Variants in TOP1 observed in about 807,000 individuals in gnomAD.
TOP1 encodes the protein DNA topoisomerase I, also known as DNA topoisomerase 1.
A neutral mutation model predicts 111.1 loss-of-function variants in TOP1; 10 were observed. That is an observed-to-expected ratio of 0.09 (90% confidence interval 0.06 to 0.15). The LOEUF (loss-of-function observed/expected upper bound fraction) is 0.15. TOP1 is among the 10% of genes least tolerant of loss of function. TOP1 has a pLI of 1.00. For missense variants in TOP1, 474 were observed against 926.7 expected, an observed-to-expected ratio of 0.51 and a Z score of 6.34; for synonymous variants, 271 against 302.9, an observed-to-expected ratio of 0.89 and a Z score of 1.10.
intron 2 of TOP1, among the ~76,000 whole-genome samples, chr20:41,043,318 T>C (rs1213752417): frequency 6.6e-6 from 1 of 152,198 alleles, no homozygotes; most frequent in African/African-American, 2.4e-5. Flanking sequence ...TTCCTTGTTC[T>C]TTCACAAGGA....
Position 41,116,113 on chromosome 20 carries a change from T to C in TOP1, c.1708-165T>C, listed in dbSNP as rs371926543. Reference sequence around the variant, plus strand: ...TGAAATACTTCATAGAGAGGCATCATGTAACCCTGTATTCTGGAATTCTTT... The same window carrying C: ...TGAAATACTTCATAGAGAGGCATCACGTAACCCTGTATTCTGGAATTCTTT... On this transcript the variant is annotated intron_variant, in intron 16 of 20. Coordinates refer to ENST00000361337, the MANE Select transcript of TOP1 (RefSeq NM_003286.4). The surrounding 1 kb of genome is among the most constrained non-coding windows in gnomAD (Gnocchi z 5.6). Among the ~76,000 whole-genome samples, 47 of 152,256 alleles carry C rather than the reference T, an allele frequency of 3.1e-4. No individual in the cohort carries two copies. The highest frequency in any genetic ancestry group is 1.1e-3 in the African/African-American group (46 of 41,556).
intron 18 of TOP1, among the ~76,000 whole-genome samples, chr20:41,120,429 G>A (rs754805419): frequency 5.3e-5 from 8 of 152,302 alleles, no homozygotes; most frequent in South Asian, 2.1e-4. Context: ...TATTTACTCC[G>A]TAGAGGTTGT....
Position 41,032,425 on chromosome 20 carries a change from C to T in TOP1, c.58+2970C>T, listed in dbSNP as rs184183580. On this transcript the variant is annotated intron_variant, in intron 2 of 20. Transcript: ENST00000361337. The surrounding 1 kb of genome is among the most constrained non-coding windows in gnomAD (Gnocchi z 4.3). The stretch of plus-strand genomic sequence containing the variant: ...TATCTAAGTCTAAGTGAAAAGACTT[C>T]CTAAGTATTGGTAGAACTAACTGTA... Among the ~76,000 whole-genome samples, 229 of 152,278 alleles carry T rather than the reference C, an allele frequency of 1.5e-3. 1 individual carries two copies. Among genetic ancestry groups the T allele is most frequent in the Non-Finnish European group, 4.6e-4 (31 of 68,022 alleles).
intron 2 of TOP1, among the ~76,000 whole-genome samples, chr20:41,036,979 C>A (rs745454359): frequency 6.6e-6 from 1 of 152,058 alleles, no homozygotes; most frequent in African/African-American, 2.4e-5. Context: ...TACAGGCGCC[C>A]GCCACCACGC....
In TOP1 at chr20:41,030,931, C is replaced by T. The variant is rs1328298882; in HGVS notation, c.58+1476C>T. Among the ~76,000 whole-genome samples, 3 of 152,186 alleles carry T rather than the reference C, an allele frequency of 2.0e-5. No individual in the cohort carries two copies. The highest frequency in any genetic ancestry group is 4.4e-5 in the Non-Finnish European group (3 of 68,034). ...ACTGTGCTTGGTGCTAGAGCTGATC[C>T]TGTAACCATAACACTCCCTTGCTCT... On this transcript the variant is annotated intron_variant, in intron 2 of 20. Coordinates refer to ENST00000361337, the MANE Select transcript of TOP1 (RefSeq NM_003286.4). This position sits in a 1 kb window ranked among gnomAD's most constrained non-coding sequence, Gnocchi z 4.1.
rs892517653 is a variant in TOP1, at chr20:41,098,939, G to A, written c.975+602G>A. 3.3e-5 allele frequency: 5 copies of A among 152,084 alleles called. No individual in the cohort carries two copies. The highest frequency in any genetic ancestry group is 7.3e-5 in the Non-Finnish European group (5 of 68,034). 9.4% of individuals were successfully genotyped at this position (152,084 alleles called of 1,614,324 possible). On this transcript the variant is annotated intron_variant, in intron 11 of 20. Coordinates refer to ENST00000361337, the MANE Select transcript of TOP1 (RefSeq NM_003286.4). The surrounding 1 kb of genome is among the most constrained non-coding windows in gnomAD (Gnocchi z 5.7). Reference sequence around the variant, plus strand: ...ATGACAGAGATGAGTAGTTGCAAAAGAGAGTAGTTGCAAAAGAGACTGTGT... The same window carrying A: ...ATGACAGAGATGAGTAGTTGCAAAAAAGAGTAGTTGCAAAAGAGACTGTGT...
Position 41,121,945 on chromosome 20 carries a change from G to T in TOP1, c.2046-61G>T. The T allele has an allele frequency of 1.9e-6, 3 of 1,596,778 alleles. No homozygotes were observed. The highest frequency in any genetic ancestry group is 2.6e-6 in the Non-Finnish European group (3 of 1,168,870). Reference sequence around the variant, plus strand: ...TTATTGACTCAAAGTGGCAGGATGGGTACAGTGTGCTCTTGTCTAGAGCCC... The same window carrying T: ...TTATTGACTCAAAGTGGCAGGATGGTTACAGTGTGCTCTTGTCTAGAGCCC... On this transcript the variant is annotated intron_variant, in intron 19 of 20. Transcript: ENST00000361337. The surrounding 1 kb of genome is among the most constrained non-coding windows in gnomAD (Gnocchi z 4.2).
At chr20:41,089,015 C>T (rs1183969262) in intron 8 of TOP1, among the ~76,000 whole-genome samples, 2 of 90,418 alleles carry the variant, frequency 2.2e-5, no homozygotes, top group Non-Finnish European at 4.1e-5. Context: ...TCTGTTGCCC[C>T]AGTTCTTTTT....
At chr20:41,049,472 C>T (rs942466840) in intron 2 of TOP1, among the ~76,000 whole-genome samples, 15 of 152,120 alleles carry the variant, frequency 9.9e-5, no homozygotes, top group African/African-American at 3.6e-4. Context: ...TCAGTTTGAC[C>T]CTGTCTTGAA....
rs756718169 is a variant in TOP1 at position 41,028,956 on chromosome 20, C to G, written c.-112C>G. 124 of 879,832 alleles carry G rather than the reference C, an allele frequency of 1.4e-4. No individual in the cohort carries two copies. Among genetic ancestry groups the G allele is most frequent in the Non-Finnish European group, 1.9e-4 (110 of 567,642 alleles). The allele number at this position is 879,832 out of a possible 1,614,324, so 54.5% of individuals were successfully genotyped here. On this transcript the variant is annotated 5_prime_UTR_variant, in exon 1 of 21. Coordinates refer to ENST00000361337, the MANE Select transcript of TOP1 (RefSeq NM_003286.4). Reference sequence around the variant, plus strand: ...TCGGGCCCACAGTCACCGCCGCTTACCTGCGCCTCCTCGAGCCTCCGGAGT... The same window carrying G: ...TCGGGCCCACAGTCACCGCCGCTTAGCTGCGCCTCCTCGAGCCTCCGGAGT...
At chr20:41,084,379 T>G (rs942231116) in intron 7 of TOP1, 83 bp from the exon 8 acceptor site, 2 of 718,752 alleles carry the variant, frequency 2.8e-6, no homozygotes, top group Non-Finnish European at 4.5e-6. Flanking sequence ...ATTACAATTT[T>G]TCTTCCTCAT....
rs1036346239 is a variant in TOP1 at position 41,121,621 on chromosome 20, A to G, written c.1951-75A>G. The G allele has an allele frequency of 1.8e-6, 2 of 1,141,498 alleles. No homozygotes were observed. Among genetic ancestry groups the G allele is most frequent in the Non-Finnish European group, 2.7e-6 (2 of 751,636 alleles). The allele number at this position is 1,141,498 out of a possible 1,614,324, so 70.7% of individuals were successfully genotyped here. A position where few individuals can be genotyped will look rare whatever the true frequency, so the allele number is the denominator to read the frequency against. The stretch of plus-strand genomic sequence containing the variant: ...ACAGAGACAGCCTGGTCCAGATAAC[A>G]TCTTGGTTTCACCTTCTCAGGTGGA... On this transcript the variant is annotated intron_variant, in intron 18 of 20. Coordinates refer to ENST00000361337, the MANE Select transcript of TOP1 (RefSeq NM_003286.4). The surrounding 1 kb of genome is among the most constrained non-coding windows in gnomAD (Gnocchi z 4.2).
intron 2 of TOP1, among the ~76,000 whole-genome samples, chr20:41,059,645 G>T (rs940788096): frequency 2.0e-5 from 3 of 151,918 alleles, no homozygotes; most frequent in Non-Finnish European, 4.4e-5. Flanking sequence ...AGTAGGCAAC[G>T]ATATCTTGGG....
rs1482608899 is a variant in TOP1, at chr20:41,114,683, C to CAACTCCTGACTGAGTGAA, written c.1638+530_1638+547dup. 2.0e-5 allele frequency among the ~76,000 whole-genome samples: 3 copies of CAACTCCTGACTGAGTGAA among 152,168 alleles called. No homozygotes were observed. The highest frequency in any genetic ancestry group is 2.9e-5 in the Non-Finnish European group (2 of 68,032). Reference sequence around the variant, plus strand: ...TTTTCATCTTTGCTCAGCCTTTCTCCAACTCCTGACTGAGTGAAAGGTTAA... The same window carrying CAACTCCTGACTGAGTGAA: ...TTTTCATCTTTGCTCAGCCTTTCTCCAACTCCTGACTGAGTGAAAACTCCTGACTGAGTGAAAGGTTAA... On this transcript the variant is annotated intron_variant, in intron 15 of 20. Transcript: ENST00000361337. This position sits in a 1 kb window ranked among gnomAD's most constrained non-coding sequence, Gnocchi z 4.5.
In TOP1 at chr20:41,106,074, T is replaced by C. The variant is rs2034140936; in HGVS notation, c.1308+4721T>C. On this transcript the variant is annotated intron_variant, in intron 13 of 20. Transcript: ENST00000361337. This position sits in a 1 kb window ranked among gnomAD's most constrained non-coding sequence, Gnocchi z 4.3. The stretch of plus-strand genomic sequence containing the variant: ...TTTGGGTCTTAGATCCACTAGAATG[T>C]ATTTTTGCATTGGGATGAAGTTGAA... Among the ~76,000 whole-genome samples, 1 of 151,398 alleles carries C rather than the reference T, an allele frequency of 6.6e-6. No homozygotes were observed. The highest frequency in any genetic ancestry group is 1.5e-5 in the Non-Finnish European group (1 of 67,924).
chr20:41,121,942 TG>T lies in TOP1; in HGVS notation c.2046-61del. On this transcript the variant is annotated intron_variant, in intron 19 of 20. Transcript: ENST00000361337. This position sits in a 1 kb window ranked among gnomAD's most constrained non-coding sequence, Gnocchi z 4.2. ...CTTTTATTGACTCAAAGTGGCAGGA[TG>T]GGTACAGTGTGCTCTTGTCTAGAGC... 1 of 1,590,266 alleles carries T rather than the reference TG, an allele frequency of 6.3e-7. No homozygotes were observed. Among genetic ancestry groups the T allele is most frequent in the Admixed American group, 1.7e-5 (1 of 57,160 alleles).
At position 41,089,020 on chromosome 20, in the gene TOP1, C is replaced by CTTTTTTTTTT. The variant is rs59200685; in HGVS notation, c.615-3439_615-3430dup. Among the ~76,000 whole-genome samples the CTTTTTTTTTT allele has an allele frequency of 3.0e-3, 237 of 77,900 alleles. 30 individuals carry two copies. The highest frequency in any genetic ancestry group is 5.4e-3 in the South Asian group (11 of 2,054). 51.1% of individuals were successfully genotyped at this position (77,900 alleles called of 152,430 possible). A position where few individuals can be genotyped will look rare whatever the true frequency, so the allele number is the denominator to read the frequency against. On this transcript the variant is annotated intron_variant, in intron 8 of 20. Coordinates refer to ENST00000361337, the MANE Select transcript of TOP1 (RefSeq NM_003286.4). Reference sequence around the variant, plus strand: ...TCCCCACTTCTCTGTTGCCCCAGTTCTTTTTTTTTTTTTTTTTTTTTTGAG... The same window carrying CTTTTTTTTTT: ...TCCCCACTTCTCTGTTGCCCCAGTTCTTTTTTTTTTTTTTTTTTTTTTTTTTTTTTTTGAG...
chr20:41,059,847 G>A (rs2033523931), intron 2 of TOP1, among the ~76,000 whole-genome samples: 1 of 152,164 alleles, frequency 6.6e-6, no homozygotes, highest in Admixed American at 6.5e-5. Flanking sequence ...CAACTAGGTA[G>A]TAAGAAGACC....
At position 41,077,467 on chromosome 20, in the gene TOP1, T is replaced by A; in HGVS notation, c.280-115T>A. 3.6e-6 allele frequency: 3 copies of A among 837,988 alleles called. No individual in the cohort carries two copies. In the South Asian group the frequency reaches 4.9e-5, roughly 14 times the overall value. 51.9% of individuals were successfully genotyped at this position (837,988 alleles called of 1,614,324 possible). On this transcript the variant is annotated intron_variant, in intron 4 of 20. Coordinates refer to ENST00000361337, the MANE Select transcript of TOP1 (RefSeq NM_003286.4). ...GTTCATCTGTTCAGTTTTGGTAACA[T>A]AAGAGCCAGCTTGTGATCATGATGT... is the stretch of plus-strand genomic sequence containing the variant.
Sources: gnomAD v4.1 joint callset for allele counts (sites outside exome capture counted in the v4.1 genomes callset) on GRCh38, gnomAD v4.1.1 for gene constraint, Gnocchi (gnomAD v3.1) non-coding constraint, MANE v1.5 for transcripts, NCBI Gene and HGNC (gene_info 2026-07-23, HGNC 2026-07-21) for gene names.